PDZD2: variants seen among roughly 807,000 people sequenced by gnomAD.
PDZD2 encodes the protein PDZ domain containing 2, also known as PDZ domain-containing protein 2.
Under a neutral mutation model 220.7 loss-of-function variants are expected in PDZD2, and 90 were observed. That is an observed-to-expected ratio of 0.41 (90% CI 0.34 to 0.49). The LOEUF (loss-of-function observed/expected upper bound fraction) is 0.49, where lower values mean the gene tolerates loss of function less well. Ranked by LOEUF, PDZD2 falls within the 20% of genes least tolerant of loss-of-function variation. The pLI, the probability that PDZD2 is intolerant of heterozygous loss-of-function variation, is 0.28. For synonymous variants in PDZD2, 1,375 were observed against 1,450.5 expected (o/e 0.95, Z 1.18); for missense variants, 3,174 against 3,608.5 (o/e 0.88, Z 3.08).
At chr5:31,862,101 G>GAT (rs1554084877) in intron 2 of PDZD2, among the ~76,000 whole-genome samples, 1 of 78,496 alleles carries the variant, frequency 1.3e-5, no homozygotes, top group Admixed American at 1.6e-4. Context: ...TTTTTTTTGG[G>GAT]TTTTTTTTTT....
intron 5 of PDZD2, among the ~76,000 whole-genome samples, chr5:32,002,637 A>AACACACCACCAAC (rs1752244759): frequency 7.9e-6 from 1 of 125,912 alleles, no homozygotes; most frequent in Non-Finnish European, 1.6e-5. Flanking sequence ...ACACACCACC[A>AACACACCACCAAC]ACACACACAC....
chr5:31,748,230 C>A (rs148612974), intron 1 of PDZD2, among the ~76,000 whole-genome samples: 2 of 148,632 alleles, frequency 1.3e-5, no homozygotes, highest in Non-Finnish European at 3.0e-5. Flanking sequence ...TGACCTACCA[C>A]GACATATTCA....
rs1025591567 is a variant in PDZD2 at position 31,726,174 on chromosome 5, G to A, written c.-360-72715G>A. Among the ~76,000 whole-genome samples, 2 of 152,158 alleles carry A rather than the reference G, an allele frequency of 1.3e-5. 1 individual carries two copies. Among genetic ancestry groups the A allele is most frequent in the South Asian group, 4.1e-4 (2 of 4,828 alleles). ...GTGCCTGCTCTGAGTTAACTTCCAG[G>A]GCCAGGGAGTGATGCTTGCACATGC... is the stretch of plus-strand genomic sequence containing the variant. On this transcript the variant is annotated intron_variant, in intron 1 of 24. Transcript: ENST00000438447.
At chr5:32,064,238 C>CTT (rs199999795) in intron 14 of PDZD2, among the ~76,000 whole-genome samples, 3 of 146,938 alleles carry the variant, frequency 2.0e-5, no homozygotes, top group Non-Finnish European at 3.0e-5. Context: ...ACTCAATTCA[C>CTT]TTTTTTTTTT....
At chr5:31,736,317 T>C (rs1348229944) in intron 1 of PDZD2, among the ~76,000 whole-genome samples, 1 of 152,200 alleles carries the variant, frequency 6.6e-6, no homozygotes, top group Non-Finnish European at 1.5e-5. Context: ...CGGCAGTGTA[T>C]GAGGATCTGT....
intron 1 of PDZD2, among the ~76,000 whole-genome samples, chr5:31,686,776 C>T (rs1404902235): frequency 6.6e-6 from 1 of 152,086 alleles, no homozygotes; most frequent in Non-Finnish European, 1.5e-5. Context: ...TATGGTTTTC[C>T]ATTATATTTT....
intron 7 of PDZD2, among the ~76,000 whole-genome samples, chr5:32,041,908 CA>C (rs56157199): frequency 0.46 from 42,182 of 90,844 alleles, 9,610 homozygotes; most frequent in South Asian, 0.57. Flanking sequence ...AAAAAGAAAG[CA>C]AAAAAAAAAA....
chr5:31,880,988 G>C lies in PDZD2; in HGVS notation c.476+81264G>C, dbSNP rs140130559. Among the ~76,000 whole-genome samples, 201 of 151,568 alleles carry C rather than the reference G, an allele frequency of 1.3e-3. 1 individual carries two copies. Among genetic ancestry groups the C allele is most frequent in the African/African-American group, 4.7e-3 (194 of 41,360 alleles). On this transcript the variant is annotated intron_variant, in intron 2 of 24. Coordinates refer to ENST00000438447, the MANE Select transcript of PDZD2 (RefSeq NM_178140.4). ...GGCTAATTTCTGTATTTTTAGTAGA[G>C]ACGGGGTTTCACCACGTTGGCCAGC...
At chr5:31,716,678 C>T (rs2150143601) in intron 1 of PDZD2, among the ~76,000 whole-genome samples, 1 of 152,282 alleles carries the variant, frequency 6.6e-6, no homozygotes, top group South Asian at 2.1e-4. Context: ...TGGTGGGCAC[C>T]TGTAGTCCCA....
chr5:31,908,852 C>T, intron 2 of PDZD2: 1 of 522,822 alleles, frequency 1.9e-6, no homozygotes, highest in South Asian at 1.7e-5. Context: ...TGAGACCAGC[C>T]TTGGCAACAT....
At chr5:31,926,813 A>G (rs907936498) in intron 2 of PDZD2, among the ~76,000 whole-genome samples, 34 of 152,250 alleles carry the variant, frequency 2.2e-4, no homozygotes, top group African/African-American at 5.5e-4. Flanking sequence ...CCATGGAATG[A>G]ACCTATGTGC....
intron 2 of PDZD2, among the ~76,000 whole-genome samples, chr5:31,939,979 A>G (rs577499633): frequency 3.3e-5 from 5 of 152,390 alleles, no homozygotes; most frequent in Admixed American, 3.3e-4. Context: ...AAGGGAATCA[A>G]TAATTTCGTG....
intron 2 of PDZD2, among the ~76,000 whole-genome samples, chr5:31,845,178 A>G (rs1168010083): frequency 6.6e-6 from 1 of 152,166 alleles, no homozygotes; most frequent in Non-Finnish European, 1.5e-5. Flanking sequence ...AAGGGTGTGT[A>G]AAATACCTGA....
At chr5:31,904,077 C>G (rs1245436984) in intron 2 of PDZD2, among the ~76,000 whole-genome samples, 1 of 148,086 alleles carries the variant, frequency 6.8e-6, no homozygotes, top group Non-Finnish European at 1.5e-5. Flanking sequence ...GTATTTCTTT[C>G]AACTGTATGT....
At position 32,087,318 on chromosome 5, in the gene PDZD2, C is replaced by T; in HGVS notation, c.3870C>T (p.Pro1290=). The T allele has an allele frequency of 6.2e-7, 1 of 1,614,182 alleles. No homozygotes were observed. Among genetic ancestry groups the T allele is most frequent in the Non-Finnish European group, 8.5e-7 (1 of 1,180,004 alleles). ...SPVRLPHEGS[P]SPGEKAAAPP... ...TCAGGCTCCCCCATGAGGGCAGCCC[C>T]TCCCCGGGGGAGAAAGCAGCGGCTC... The change falls in exon 20 of 25, where the codon CCC becomes CCT. Residue 1290 remains proline, a synonymous_variant. Transcript: ENST00000438447. The surrounding 1 kb of genome is among the most constrained non-coding windows in gnomAD (Gnocchi z 4.0).
rs544651231 is a variant in PDZD2, at chr5:31,859,160, TAGCCACTCCCTCCCCCA to T, written c.476+59438_476+59454del. On this transcript the variant is annotated intron_variant, in intron 2 of 24. Transcript: ENST00000438447. ...CAACCAATCAGCAGCACCCATTCCC[TAGCCACTCCCTCCCCCA>T]AACTATCCTTAAAAAAACATAGCCT... is the stretch of plus-strand genomic sequence containing the variant. Among the ~76,000 whole-genome samples the T allele has an allele frequency of 7.2e-5, 11 of 152,164 alleles. No homozygotes were observed. The East Asian group carries it at 2.1e-3, about 29-fold the overall frequency.
At chr5:31,988,964 CTTCA>C (rs1750953585) in intron 3 of PDZD2, among the ~76,000 whole-genome samples, 1 of 152,180 alleles carries the variant, frequency 6.6e-6, no homozygotes, top group Non-Finnish European at 1.5e-5. Context: ...CTCTGCTGGT[CTTCA>C]TTCATGCCCG....
intron 2 of PDZD2, among the ~76,000 whole-genome samples, chr5:31,872,482 C>T (rs1450016544): frequency 6.6e-6 from 1 of 152,136 alleles, no homozygotes; most frequent in African/African-American, 2.4e-5. Flanking sequence ...AAGAGGCCAC[C>T]TGGCTGAAGA....
At chr5:31,788,719 A>C (rs1753530838) in intron 1 of PDZD2, among the ~76,000 whole-genome samples, 1 of 152,180 alleles carries the variant, frequency 6.6e-6, no homozygotes, top group Non-Finnish European at 1.5e-5. Flanking sequence ...CCCAAAACCT[A>C]AGCTGACTTA....
Sources: allele counts gnomAD v4.1 joint callset (sites outside exome capture counted in the v4.1 genomes callset), GRCh38; gene constraint gnomAD v4.1.1; non-coding constraint Gnocchi (gnomAD v3.1); transcripts MANE v1.5; gene names NCBI Gene and HGNC (gene_info 2026-07-23, HGNC 2026-07-21).